ZNF366: variants seen among roughly 807,000 people sequenced by gnomAD.
ZNF366 encodes zinc finger protein 366, also known as dendritic cell-specific transcript protein.
A neutral mutation model predicts 47.2 loss-of-function variants in ZNF366; 20 were observed. That is an observed-to-expected ratio of 0.42 (90% CI 0.30 to 0.62). The LOEUF (loss-of-function observed/expected upper bound fraction) is 0.62. Ranked by LOEUF, ZNF366 falls within the 20% of genes least tolerant of loss-of-function variation. ZNF366 has a pLI of 0.16. For synonymous variants in ZNF366, 421 were observed against 395.1 expected (o/e 1.07, Z -0.78); for missense variants, 987 against 976.3 (o/e 1.01, Z -0.15).
At chr5:72,452,970 C>T (rs1292034890) in intron 3 of ZNF366, among the ~76,000 whole-genome samples, 1 of 152,034 alleles carries the variant, frequency 6.6e-6, no homozygotes, top group Non-Finnish European at 1.5e-5. Flanking sequence ...AGCACGAGTC[C>T]AAAAGTCCAG....
chr5:72,461,450 T>A lies in ZNF366; in HGVS notation c.47A>T (p.Asp16Val), dbSNP rs374170057. ...KMIKDEDVHF[D>V]LAVKKTPSFP... ...GGAGGGGGTCTTCTTCACAGCCAAGTCGAAATGCACATCCTCGTCTTTGAT... is the reference window on the plus strand; with the variant it reads ...GGAGGGGGTCTTCTTCACAGCCAAGACGAAATGCACATCCTCGTCTTTGAT... The change falls in exon 2 of 5, where the codon GAC (aspartate) becomes GTC (valine). Residue 16 changes from aspartate (D) to valine (V), a missense_variant. By Grantham distance (152) the Asp-to-Val change is radical. Coordinates refer to ENST00000318442, the MANE Select transcript of ZNF366 (RefSeq NM_152625.3). 8.1e-6 allele frequency: 13 copies of A among 1,596,604 alleles called. No homozygotes were observed. The highest frequency in any genetic ancestry group is 1.1e-5 in the Non-Finnish European group (13 of 1,168,420).
intron 1 of ZNF366, among the ~76,000 whole-genome samples, chr5:72,478,860 A>G (rs955627789): frequency 5.3e-5 from 8 of 152,336 alleles, no homozygotes; most frequent in South Asian, 4.1e-4. Context: ...TTGGCCTCTA[A>G]AAATCCCCTG....
chr5:72,468,177 G>T (rs1227961628), intron 1 of ZNF366, among the ~76,000 whole-genome samples: 1 of 152,154 alleles, frequency 6.6e-6, no homozygotes, highest in Non-Finnish European at 1.5e-5. Context: ...GGAATAGAAC[G>T]GTCTCAAAAG....
In ZNF366 at chr5:72,445,389, C is replaced by T. The variant is rs377492273; in HGVS notation, c.1700-1098G>A. ...GGGGGTGAAAAAAGAAGGGTAGGGG[C>T]GATGATGTCCAATTTTGTTCACTTT... On this transcript the variant is annotated intron_variant, in intron 4 of 4. Transcript: ENST00000318442. Among the ~76,000 whole-genome samples, 16 of 151,616 alleles carry T rather than the reference C, an allele frequency of 1.1e-4. No individual in the cohort carries two copies. The East Asian group carries it at 1.7e-3, about 17-fold the overall frequency.
Position 72,460,984 on chromosome 5 carries a change from G to A in ZNF366, c.513C>T (p.Pro171=). The A allele has an allele frequency of 1.2e-6, 2 of 1,613,952 alleles. No homozygotes were observed. Among genetic ancestry groups the A allele is most frequent in the Non-Finnish European group, 1.7e-6 (2 of 1,179,964 alleles). ...CTTTGGGGTAGTAGGGGTAGGGCGT[G>A]GGCAGGAATGGAGTGGGCGTTGGCT... ...WPQPTPTPFL[P]TPYPYYPKVH... is the part of the protein sequence containing the mutation. Residue 171 remains proline, a synonymous_variant, in exon 2 of 5, where the codon CCC becomes CCT. Transcript: ENST00000318442.
At chr5:72,492,080 G>A (rs962701861) in intron 1 of ZNF366, among the ~76,000 whole-genome samples, 1 of 152,222 alleles carries the variant, frequency 6.6e-6, no homozygotes, top group African/African-American at 2.4e-5. Context: ...GAGTTCCCTA[G>A]TATGTTAATA....
intron 1 of ZNF366, among the ~76,000 whole-genome samples, chr5:72,490,431 G>T: frequency 6.6e-6 from 1 of 152,166 alleles, no homozygotes; most frequent in Non-Finnish European, 1.5e-5. Flanking sequence ...GCTGAATAAA[G>T]CCTCCACTTT....
intron 3 of ZNF366, 66 bp downstream of exon 3, chr5:72,456,338 C>T: frequency 2.0e-6 from 3 of 1,524,004 alleles, no homozygotes; most frequent in South Asian, 1.3e-5. Context: ...TAGAAGGCTC[C>T]CTGGGGACCC....
intron 4 of ZNF366, among the ~76,000 whole-genome samples, chr5:72,446,902 C>G (rs1474576096): frequency 6.6e-6 from 1 of 152,144 alleles, no homozygotes; most frequent in Non-Finnish European, 1.5e-5. Context: ...TCTCTTGAAG[C>G]CTTCATTCCC....
intron 1 of ZNF366, among the ~76,000 whole-genome samples, chr5:72,462,547 C>CTTTCTTTCTTTCTTTCTTTCTTTCTTCCT (rs11275151): frequency 8.9e-5 from 7 of 78,916 alleles, no homozygotes; most frequent in Admixed American, 1.4e-4. Context: ...TTCTTTCTTT[C>CTTTCTTTCTTTCTTTCTTTCTTTCTTCCT]TTTTTTTTTT....
At chr5:72,467,874 G>A (rs528255334) in intron 1 of ZNF366, among the ~76,000 whole-genome samples, 49 of 152,266 alleles carry the variant, frequency 3.2e-4, no homozygotes, top group Admixed American at 5.9e-4. Context: ...GAAAAGGTGA[G>A]AGTCAAGGAA....
intron 1 of ZNF366, among the ~76,000 whole-genome samples, chr5:72,464,586 G>A (rs1050083463): frequency 7.9e-5 from 12 of 151,818 alleles, no homozygotes; most frequent in African/African-American, 2.7e-4. Context: ...AAACATAAAT[G>A]GCACAATTAT....
chr5:72,446,548 A>C (rs1369123497), intron 4 of ZNF366, among the ~76,000 whole-genome samples: 3 of 152,220 alleles, frequency 2.0e-5, no homozygotes, highest in Non-Finnish European at 4.4e-5. Flanking sequence ...TCTGGGACTG[A>C]GAAGGTAAAG....
chr5:72,456,416 A>G lies in ZNF366; in HGVS notation c.1512T>C (p.Pro504=). 6.2e-7 allele frequency: 1 copy of G among 1,600,208 alleles called. No homozygotes were observed. The highest frequency in any genetic ancestry group is 2.2e-5 in the East Asian group (1 of 44,588). ...AHMIVHSDVK[P]FKCKLCGKEF... ...TCCCACTGCCCACCTTGCATTTGAA[A>G]GGCTTCACGTCAGAGTGGACGATCA... The change falls in exon 3 of 5, where the codon CCT becomes CCC. Residue 504 remains proline, a synonymous_variant. Coordinates refer to ENST00000318442, the MANE Select transcript of ZNF366 (RefSeq NM_152625.3).
chr5:72,500,908 A>G (rs1744200601), intron 1 of ZNF366, among the ~76,000 whole-genome samples: 1 of 152,196 alleles, frequency 6.6e-6, no homozygotes, highest in Admixed American at 6.5e-5. Context: ...GAAGGCTACT[A>G]CCTTAAAGGA....
chr5:72,496,324 T>A (rs1744111404), intron 1 of ZNF366, among the ~76,000 whole-genome samples: 1 of 152,188 alleles, frequency 6.6e-6, no homozygotes, highest in African/African-American at 2.4e-5. Flanking sequence ...ATTTTCTGTC[T>A]CTATCGTTTT....
intron 3 of ZNF366, among the ~76,000 whole-genome samples, chr5:72,450,305 C>T (rs576910848): frequency 6.6e-6 from 1 of 152,300 alleles, no homozygotes; most frequent in East Asian, 1.9e-4. Flanking sequence ...CCTTGCAATT[C>T]ACCTGCCCCA....
At chr5:72,447,524 T>C in intron 3 of ZNF366, 107 bp from the exon 4 acceptor site, 1 of 1,331,268 alleles carries the variant, frequency 7.5e-7, no homozygotes, top group Non-Finnish European at 1.0e-6. Flanking sequence ...ATTGACATTT[T>C]AATCTGCTTG....
chr5:72,445,431 A>G (rs1167671472), intron 4 of ZNF366, among the ~76,000 whole-genome samples: 2 of 152,174 alleles, frequency 1.3e-5, no homozygotes, highest in Non-Finnish European at 2.9e-5. Flanking sequence ...CTGTCAGGCA[A>G]TGAAGCTGTC....
Sources: gnomAD v4.1 joint callset for allele counts (sites outside exome capture counted in the v4.1 genomes callset) on GRCh38, gnomAD v4.1.1 for gene constraint, MANE v1.5 for transcripts, NCBI Gene and HGNC (gene_info 2026-07-23, HGNC 2026-07-21) for gene names.